The following TRPS1 variants were observed in gnomAD, a reference collection of about 807,000 sequenced individuals.
TRPS1 encodes zinc finger transcription factor Trps1.
In TRPS1, 6 loss-of-function variants were observed where a neutral mutation model predicts 101.2. That is an observed-to-expected ratio of 0.06 (90% CI 0.03 to 0.12). The LOEUF is 0.12. TRPS1 is among the 10% of genes least tolerant of loss of function. The pLI is 1.00. For missense variants in TRPS1, 1,363 were observed against 1,567.0 expected, an observed-to-expected ratio of 0.87 and a Z score of 2.20; for synonymous variants, 578 against 589.8, an observed-to-expected ratio of 0.98 and a Z score of 0.29.
intron 1 of TRPS1, among the ~76,000 whole-genome samples, chr8:115,652,789 G>A (rs1239608393): frequency 3.3e-5 from 5 of 152,158 alleles, no homozygotes; most frequent in African/African-American, 4.8e-5. Flanking sequence ...AAATATCCAC[G>A]ATAGTCTGTG....
intron 5 of TRPS1, among the ~76,000 whole-genome samples, chr8:115,488,487 G>A (rs140697250): frequency 0.014 from 2,070 of 152,126 alleles, 46 homozygotes; most frequent in African/African-American, 0.047. Flanking sequence ...TCAAGAGATC[G>A]AGACCATCCT....
chr8:115,417,686 C>T (rs1002880767), intron 6 of TRPS1, among the ~76,000 whole-genome samples: 1 of 152,108 alleles, frequency 6.6e-6, no homozygotes, highest in Non-Finnish European at 1.5e-5. Flanking sequence ...GAGCCAAAGC[C>T]AGCTGGAGAT....
chr8:115,622,658 A>G (rs1349333290), intron 2 of TRPS1, among the ~76,000 whole-genome samples: 1 of 152,180 alleles, frequency 6.6e-6, no homozygotes, highest in Non-Finnish European at 1.5e-5. Context: ...CTATTTTAAC[A>G]GTTTCTTCTT....
chr8:115,629,934 C>T (rs1818601967), intron 1 of TRPS1, among the ~76,000 whole-genome samples: 1 of 151,872 alleles, frequency 6.6e-6, no homozygotes, highest in South Asian at 2.1e-4. Context: ...CTATCTCACC[C>T]TTGAAAATCC....
At chr8:115,653,996 G>A (rs1213198465) in intron 1 of TRPS1, among the ~76,000 whole-genome samples, 1 of 152,224 alleles carries the variant, frequency 6.6e-6, no homozygotes, top group African/African-American at 2.4e-5. Context: ...CATTGGGGTT[G>A]TAATGTGTGA....
intron 5 of TRPS1, among the ~76,000 whole-genome samples, chr8:115,555,968 T>C (rs1490150968): frequency 6.6e-6 from 1 of 152,050 alleles, no homozygotes; most frequent in Non-Finnish European, 1.5e-5. Context: ...GAGGCTGCAG[T>C]GAACCATGAT....
intron 5 of TRPS1, among the ~76,000 whole-genome samples, chr8:115,507,026 T>C (rs1036256921): frequency 6.6e-6 from 1 of 152,074 alleles, no homozygotes; most frequent in Non-Finnish European, 1.5e-5. Context: ...TTTATCTCCC[T>C]TACAGTAAGT....
chr8:115,566,532 CT>C (rs200757223), intron 5 of TRPS1, among the ~76,000 whole-genome samples: 26 of 150,736 alleles, frequency 1.7e-4, no homozygotes, highest in Non-Finnish European at 2.7e-4. Flanking sequence ...TTTCTTTCTT[CT>C]TTTTTTTTGT....
At chr8:115,416,362 T>TA (rs980731174) in intron 6 of TRPS1, among the ~76,000 whole-genome samples, 8 of 151,670 alleles carry the variant, frequency 5.3e-5, no homozygotes, top group African/African-American at 1.4e-4. Flanking sequence ...ATTTATAGGT[T>TA]AAAAATTTAG....
intron 5 of TRPS1, among the ~76,000 whole-genome samples, chr8:115,457,284 G>A (rs1456718086): frequency 2.0e-5 from 3 of 152,086 alleles, no homozygotes; most frequent in Non-Finnish European, 2.9e-5. Flanking sequence ...CCTTAAAAAT[G>A]AAAAAATATC....
chr8:115,649,179 T>C (rs1811503779), intron 1 of TRPS1, among the ~76,000 whole-genome samples: 1 of 152,264 alleles, frequency 6.6e-6, no homozygotes, highest in Non-Finnish European at 1.5e-5. Context: ...TTTGTTTAAA[T>C]GTCTCATATA....
chr8:115,463,043 A>G (rs928299263), intron 5 of TRPS1, among the ~76,000 whole-genome samples: 1 of 152,198 alleles, frequency 6.6e-6, no homozygotes, highest in African/African-American at 2.4e-5. Context: ...CTCCTTCTGT[A>G]TGTTGCTGTG....
chr8:115,437,054 A>G (rs1034874526), intron 5 of TRPS1, among the ~76,000 whole-genome samples: 4 of 152,154 alleles, frequency 2.6e-5, no homozygotes, highest in African/African-American at 4.8e-5. Flanking sequence ...TGCTGACCAC[A>G]TTTGAGTAGT....
chr8:115,491,540 C>T (rs930488600), intron 5 of TRPS1, among the ~76,000 whole-genome samples: 2 of 151,334 alleles, frequency 1.3e-5, no homozygotes, highest in African/African-American at 2.4e-5. Context: ...CTCAGGAGGT[C>T]GAAGAGAAGA....
chr8:115,472,132 C>G (rs1033614321), intron 5 of TRPS1, among the ~76,000 whole-genome samples: 6 of 152,236 alleles, frequency 3.9e-5, no homozygotes, highest in African/African-American at 1.4e-4. Flanking sequence ...GCACATTTCC[C>G]TTCTGCATTG....
intron 5 of TRPS1, among the ~76,000 whole-genome samples, chr8:115,583,547 A>C (rs1045397563): frequency 6.6e-6 from 1 of 152,080 alleles, no homozygotes; most frequent in Non-Finnish European, 1.5e-5. Context: ...TAAGATAATA[A>C]AGTTGTCATA....
rs934435532 is a variant in TRPS1, at chr8:115,494,613, C to T, written c.2701-76161G>A. ...TTAGTTATTGGATGCGCTCCAGCAA[C>T]GAAAGTCTCAACTTACTTGTAAGCC... On this transcript the variant is annotated intron_variant, in intron 5 of 6. Coordinates refer to ENST00000395715, the MANE Select transcript of TRPS1 (RefSeq NM_014112.5). Among the ~76,000 whole-genome samples the T allele has an allele frequency of 5.9e-5, 9 of 152,152 alleles. No homozygotes were observed. In the South Asian group the frequency reaches 8.3e-4, roughly 14 times the overall value.
intron 5 of TRPS1, among the ~76,000 whole-genome samples, chr8:115,573,216 C>A (rs1354366221): frequency 1.3e-5 from 2 of 152,112 alleles, no homozygotes; most frequent in Non-Finnish European, 2.9e-5. Context: ...CAGCCATTCA[C>A]TAGCTGGGTG....
chr8:115,619,008 T>C, intron 3 of TRPS1, 124 bp downstream of exon 3: 1 of 1,003,190 alleles, frequency 1.0e-6, no homozygotes, highest in Non-Finnish European at 1.5e-6. Flanking sequence ...TGTGTCCATC[T>C]CTTCTGCTAG....
Sources: gnomAD v4.1 joint callset for allele counts (sites outside exome capture counted in the v4.1 genomes callset) on GRCh38, gnomAD v4.1.1 for gene constraint, MANE v1.5 for transcripts, NCBI Gene and HGNC (gene_info 2026-07-23, HGNC 2026-07-21) for gene names.